ZFYVE26: variants seen among roughly 807,000 people sequenced by gnomAD.
The protein encoded by ZFYVE26 is zinc finger FYVE domain-containing protein 26.
A neutral mutation model predicts 276.5 loss-of-function variants in ZFYVE26; 181 were observed. The ratio of observed to expected loss-of-function variants is 0.65; its 90% CI spans 0.58 to 0.74. The LOEUF (loss-of-function observed/expected upper bound fraction) is 0.74. Among genes scored for constraint, ZFYVE26 ranks in the 30% least tolerant of loss-of-function variants. The pLI is 0.00. For missense variants in ZFYVE26, 2,821 were observed against 3,097.9 expected (o/e 0.91, Z 2.12); for synonymous variants, 1,129 against 1,203.1 (o/e 0.94, Z 1.27).
At chr14:67,745,206 C>T (rs1489740476), downstream of ZFYVE26, among the ~76,000 whole-genome samples, 1 of 152,144 alleles carries the variant, frequency 6.6e-6, no homozygotes, top group Non-Finnish European at 1.5e-5. Flanking sequence ...GCATAAATGT[C>T]TTCTTTTGAG....
chr14:67,766,383 T>C lies in ZFYVE26; in HGVS notation c.5855A>G (p.His1952Arg). 6.2e-7 allele frequency: 1 copy of C among 1,612,762 alleles called. No homozygotes were observed. The highest frequency in any genetic ancestry group is 8.5e-7 in the Non-Finnish European group (1 of 1,180,016). The change falls in exon 32 of 42, where the codon CAC (histidine) becomes CGC (arginine). Residue 1952 changes from histidine (H) to arginine (R), a missense_variant. Coordinates refer to ENST00000347230, the MANE Select transcript of ZFYVE26 (RefSeq NM_015346.4). ...NLHRDSIACG[H>R]QLIEHCCRLS... The stretch of plus-strand genomic sequence containing the variant: ...CCTGCAGCAGTGCTCAATCAGCTGG[T>C]GACCACAGGCAATGCTGTCCCGGTG...
At chr14:67,740,129 C>A (rs2038398671) in intron 13 of ZFYVE26, among the ~76,000 whole-genome samples, 1 of 152,154 alleles carries the variant, frequency 6.6e-6, no homozygotes, top group Non-Finnish European at 1.5e-5. Context: ...CCAGCTATTC[C>A]ATTTCTGGGC....
intron 4 of ZFYVE26, 106 bp downstream of exon 4, chr14:67,809,094 A>C (rs2040240398): frequency 1.0e-6 from 1 of 994,128 alleles, no homozygotes; most frequent in Non-Finnish European, 1.6e-6. Context: ...GCCTGAGAAC[A>C]AAGTATGGGC....
At chr14:67,808,113 T>C (rs979844621) in intron 4 of ZFYVE26, among the ~76,000 whole-genome samples, 193 bp from the exon 5 acceptor site, 1 of 152,280 alleles carries the variant, frequency 6.6e-6, no homozygotes, top group African/African-American at 2.4e-5. Context: ...ATCCTTACAA[T>C]AGTCTTCAGA....
Position 67,816,040 on chromosome 14 carries a change from G to T in ZFYVE26, c.-77C>A. On this transcript the variant is annotated 5_prime_UTR_variant, in exon 2 of 42. Transcript: ENST00000347230. ...CATTCTCAATGTTCTCATTCGCGGA[G>T]TACCTCCTAGAAACAACACAACGCC... The T allele has an allele frequency of 8.0e-7, 1 of 1,246,680 alleles. No homozygotes were observed. Among genetic ancestry groups the T allele is most frequent in the Non-Finnish European group, 1.1e-6 (1 of 896,260 alleles). 77.2% of individuals were successfully genotyped at this position (1,246,680 alleles called of 1,614,324 possible).
downstream of ZFYVE26, among the ~76,000 whole-genome samples, chr14:67,744,396 A>C (rs1566856874): frequency 6.6e-6 from 1 of 151,940 alleles, no homozygotes; most frequent in African/African-American, 2.4e-5. Flanking sequence ...TTTAATTTTT[A>C]AATTTATTTA....
intron 32 of ZFYVE26, among the ~76,000 whole-genome samples, chr14:67,764,367 C>T (rs368777171): frequency 1.9e-4 from 29 of 152,164 alleles, no homozygotes; most frequent in African/African-American, 4.8e-4. Flanking sequence ...GAAATGAAAA[C>T]ATTTGTAGTA....
intron 25 of ZFYVE26, among the ~76,000 whole-genome samples, chr14:67,776,871 G>A (rs12892221): frequency 0.61 from 93,343 of 152,124 alleles, 29,594 homozygotes; most frequent in East Asian, 0.92. Context: ...CTTAGCACTC[G>A]TTCTATTTGT....
chr14:67,802,946 C>A (rs867339251), intron 9 of ZFYVE26, among the ~76,000 whole-genome samples: 1 of 152,162 alleles, frequency 6.6e-6, no homozygotes, highest in Non-Finnish European at 1.5e-5. Context: ...TGTGACTATA[C>A]AATGATACGT....
At chr14:67,778,372 A>G in intron 23 of ZFYVE26, 124 bp from the exon 24 acceptor site, 1 of 1,289,886 alleles carries the variant, frequency 7.8e-7, no homozygotes, top group East Asian at 2.3e-5. Context: ...TATGATGAAA[A>G]TGATTGAAGC....
intron 14 of ZFYVE26, 93 bp from the exon 15 acceptor site, chr14:67,790,866 G>A: frequency 8.6e-7 from 1 of 1,160,162 alleles, no homozygotes; most frequent in Non-Finnish European, 1.3e-6. Context: ...TTAGACTGTG[G>A]CCCTAAGATG....
At chr14:67,730,400 C>T (rs1022593368) in intron 13 of ZFYVE26, among the ~76,000 whole-genome samples, 5 of 152,114 alleles carry the variant, frequency 3.3e-5, no homozygotes, top group Non-Finnish European at 5.9e-5. Context: ...TGAAGACATA[C>T]AGGTTGAGCA....
chr14:67,783,276 T>C lies in ZFYVE26; in HGVS notation c.3876A>G (p.Pro1292=), dbSNP rs2039556093. ...PTLERKPYSS[P]RDSSLPALTS... The stretch of plus-strand genomic sequence containing the variant: ...TGAGGGCTGGGAGTGATGAGTCCCT[T>C]GGGGAGGAGTAGGGCTTTCTTTCCA... The change falls in exon 21 of 42, where the codon CCA becomes CCG. Residue 1292 remains proline (P), a synonymous_variant. Transcript: ENST00000347230. 1 of 1,613,456 alleles carries C rather than the reference T, an allele frequency of 6.2e-7. No homozygotes were observed. The highest frequency in any genetic ancestry group is 8.5e-7 in the Non-Finnish European group (1 of 1,179,630).
At chr14:67,751,467 A>C in intron 40 of ZFYVE26, 1 of 324,946 alleles carries the variant, frequency 3.1e-6, no homozygotes, top group African/African-American at 2.1e-5. Context: ...TATAGTCCAA[A>C]ACTCCTGGGC....
chr14:67,748,608 C>T lies in ZFYVE26; in HGVS notation c.7448G>A (p.Arg2483His), dbSNP rs1441090891. The change falls in exon 42 of 42, where the codon CGT becomes CAT. Residue 2483 changes from arginine (R) to histidine (H), a missense_variant. By Grantham distance (29) the Arg-to-His change is conservative (BLOSUM62 0). Transcript: ENST00000347230. Reference protein sequence around the residue: ...VRAYLICCKLRSAYLIAVKQE... With the variant: ...VRAYLICCKLHSAYLIAVKQE... The stretch of plus-strand genomic sequence containing the variant: ...CTTCACAGCAATCAAGTAGGCAGAA[C>T]GCAGTTTGCAACATATCAGGTAGGC... 6.2e-6 allele frequency: 10 copies of T among 1,614,124 alleles called. No individual in the cohort carries two copies. The highest frequency in any genetic ancestry group is 1.7e-4 in the Middle Eastern group (1 of 6,060).
rs1304455681 is a variant in ZFYVE26 at position 67,778,182 on chromosome 14, G to A, written c.4741C>T (p.His1581Tyr). 2.5e-6 allele frequency: 4 copies of A among 1,614,168 alleles called. No homozygotes were observed. The highest frequency in any genetic ancestry group is 1.6e-4 in the Middle Eastern group (1 of 6,062). ...AGAAGGTGGAGAAGATGCTTTTGATGAAGGCTGATTAAATGTTCTCTTGGA... is the reference window on the plus strand; with the variant it reads ...AGAAGGTGGAGAAGATGCTTTTGATAAAGGCTGATTAAATGTTCTCTTGGA... Reference protein sequence around the residue: ...PIPREHLISLHQKHLLHLLER... With the variant: ...PIPREHLISLYQKHLLHLLER... The change falls in exon 24 of 42, where the codon CAT becomes TAT. Residue 1581 changes from histidine (H) to tyrosine (Y), a missense_variant. Transcript: ENST00000347230.
chr14:67,799,477 G>A (rs746561100), intron 10 of ZFYVE26: 1 of 1,610,996 alleles, frequency 6.2e-7, no homozygotes. Flanking sequence ...ATAGCCTGAA[G>A]GCAGCCATTC....
In ZFYVE26 at chr14:67,807,487, T is replaced by G; in HGVS notation, c.797A>C (p.Lys266Thr). The G allele has an allele frequency of 6.2e-7, 1 of 1,614,116 alleles. No homozygotes were observed. The highest frequency in any genetic ancestry group is 8.5e-7 in the Non-Finnish European group (1 of 1,180,000). ...EERLLSCLLH[K>T]ASRGLLSLYG... ...CAGGGACAGCAGGCCCCGGCTGGCCTTGTGCAGCAGGCAGCTGAGCAGCCG... is the reference window on the plus strand; with the variant it reads ...CAGGGACAGCAGGCCCCGGCTGGCCGTGTGCAGCAGGCAGCTGAGCAGCCG... Residue 266 changes from lysine to threonine, a missense_variant, in exon 5 of 42, where the codon AAG (lysine) becomes ACG (threonine). Lys to Thr is a moderately conservative substitution (Grantham distance 78). Transcript: ENST00000347230.
At chr14:67,802,580 T>C (rs1475045919) in intron 9 of ZFYVE26, among the ~76,000 whole-genome samples, 2 of 152,210 alleles carry the variant, frequency 1.3e-5, no homozygotes, top group Non-Finnish European at 2.9e-5. Context: ...CCTCCTTAAA[T>C]TTTGCACCTT....
Sources: allele counts gnomAD v4.1 joint callset (sites outside exome capture counted in the v4.1 genomes callset), GRCh38; gene constraint gnomAD v4.1.1; transcripts MANE v1.5; gene names NCBI Gene and HGNC (gene_info 2026-07-23, HGNC 2026-07-21).